Variants in STAMBP observed in about 807,000 individuals in gnomAD.
STAMBP encodes the protein STAM-binding protein.
In STAMBP, 31 loss-of-function variants were observed where a neutral mutation model predicts 50.7. The ratio of observed to expected loss-of-function variants is 0.61; its 90% CI spans 0.46 to 0.83. The LOEUF is 0.83. STAMBP is among the 40% of genes least tolerant of loss of function. The probability of loss-of-function intolerance (pLI) is 0.00; values close to 1 mark genes in which losing one functional copy is unlikely to be tolerated. For synonymous variants in STAMBP, 211 were observed against 192.4 expected, an observed-to-expected ratio of 1.10 and a Z score of -0.80; for missense variants, 472 against 518.9, an observed-to-expected ratio of 0.91 and a Z score of 0.88.
downstream of STAMBP, among the ~76,000 whole-genome samples, chr2:73,869,519 T>C (rs1679113859): frequency 6.6e-6 from 1 of 152,216 alleles, no homozygotes; most frequent in African/African-American, 2.4e-5. Flanking sequence ...TGAAAGATTA[T>C]TCTAAAATTA....
At chr2:73,853,990 G>C (rs1466279583) in intron 7 of STAMBP, among the ~76,000 whole-genome samples, 3 of 152,174 alleles carry the variant, frequency 2.0e-5, no homozygotes, top group Non-Finnish European at 4.4e-5. Context: ...TCAACATTTT[G>C]AAGGTTTATC....
chr2:73,863,305 A>G lies in STAMBP; in HGVS notation c.*1046A>G, dbSNP rs949424761. ...GAAAACGCTTGAAGCAGCAATTGTTACTGCAATTTTCTGTGAGCTGAGCCT... is the reference window on the plus strand; with the variant it reads ...GAAAACGCTTGAAGCAGCAATTGTTGCTGCAATTTTCTGTGAGCTGAGCCT... On this transcript the variant is annotated 3_prime_UTR_variant, in exon 10 of 10. Coordinates refer to ENST00000394070, the MANE Select transcript of STAMBP (RefSeq NM_213622.4). 2.0e-5 allele frequency: 3 copies of G among 152,098 alleles called. No individual in the cohort carries two copies. Among genetic ancestry groups the G allele is most frequent in the African/African-American group, 7.2e-5 (3 of 41,398 alleles). 9.4% of individuals were successfully genotyped at this position (152,098 alleles called of 1,614,324 possible).
downstream of STAMBP, among the ~76,000 whole-genome samples, chr2:73,867,644 A>T (rs375134252): frequency 3.3e-5 from 5 of 152,268 alleles, no homozygotes; most frequent in African/African-American, 1.2e-4. Flanking sequence ...GAGATGAACG[A>T]TAATACAATA....
chr2:73,830,937 G>A lies in STAMBP; in HGVS notation c.81G>A (p.Val27=), dbSNP rs759853292. The A allele has an allele frequency of 1.2e-6, 2 of 1,614,174 alleles. No homozygotes were observed. The highest frequency in any genetic ancestry group is 1.7e-4 in the Middle Eastern group (1 of 6,016). ...CCCAGCTGGGTAGTGCGGTAGAGGT[G>A]AATGAAGACATTCCACCCCGTCGGT... ...ALSQLGSAVE[V]NEDIPPRRYF... is the part of the protein sequence containing the mutation. Residue 27 remains valine (V), a synonymous_variant, in exon 2 of 10, where the codon GTG becomes GTA. Transcript: ENST00000394070.
intron 7 of STAMBP, among the ~76,000 whole-genome samples, chr2:73,852,917 GGTGTGTGTGTGTGTGTGT>G (rs56684009): frequency 8.9e-4 from 109 of 122,862 alleles, no homozygotes; most frequent in African/African-American, 3.0e-3. Context: ...ATGTTGGCCA[GGTGTGTGTGTGTGTGTGT>G]GTGTGTGTGT....
rs766533447 is a variant in STAMBP, at chr2:73,847,544, G to T, written c.533G>T (p.Arg178Leu). Residue 178 changes from arginine to leucine, a missense_variant, in exon 5 of 10, where the codon CGA becomes CTA. By Grantham distance (102) the Arg-to-Leu change is moderately radical. Transcript: ENST00000394070. ...MIRNQELEKERLKIVQEFGKV... is the reference protein window; with the variant it reads ...MIRNQELEKELLKIVQEFGKV... ...CGGAACCAGGAGCTAGAAAAAGAGC[G>T]ACTGAAAATTGTACAGGAGTTTGGG... The T allele has an allele frequency of 2.5e-6, 4 of 1,614,046 alleles. No individual in the cohort carries two copies. The highest frequency in any genetic ancestry group is 2.5e-6 in the Non-Finnish European group (3 of 1,180,044).
intron 2 of STAMBP, among the ~76,000 whole-genome samples, chr2:73,831,876 A>G (rs1486399295): frequency 6.6e-6 from 1 of 152,032 alleles, no homozygotes; most frequent in East Asian, 1.9e-4. Flanking sequence ...AAACAAACTC[A>G]GTGTTTGGTG....
intron 7 of STAMBP, among the ~76,000 whole-genome samples, chr2:73,853,329 G>T (rs1677104259): frequency 6.6e-6 from 1 of 152,174 alleles, no homozygotes; most frequent in South Asian, 2.1e-4. Flanking sequence ...GGAGAAGTTG[G>T]GTTGAGAGAA....
At chr2:73,867,180 G>A (rs1279442693), downstream of STAMBP, 1 of 152,176 alleles carries the variant, frequency 6.6e-6, no homozygotes, top group Non-Finnish European at 1.5e-5. Flanking sequence ...AAATGGTAAG[G>A]CTTTGCTTTT....
chr2:73,852,729 G>A (rs1234549606), intron 7 of STAMBP, among the ~76,000 whole-genome samples: 8 of 152,088 alleles, frequency 5.3e-5, no homozygotes. Flanking sequence ...GCCCAGGTTG[G>A]GGTGCAGTGG....
downstream of STAMBP, among the ~76,000 whole-genome samples, chr2:73,867,415 A>G (rs1020910377): frequency 5.9e-5 from 9 of 152,206 alleles, no homozygotes; most frequent in Non-Finnish European, 1.3e-4. Flanking sequence ...GTGGTGGCAC[A>G]TGCCTGTAAT....
intron 1 of STAMBP, among the ~76,000 whole-genome samples, chr2:73,829,936 T>C (rs1005844280): frequency 6.6e-5 from 10 of 152,248 alleles, no homozygotes; most frequent in Admixed American, 3.9e-4. Flanking sequence ...AGATTTATTC[T>C]ACTGTAGTTT....
At chr2:73,871,743 C>T (rs777282224), downstream of STAMBP, among the ~76,000 whole-genome samples, 3 of 152,016 alleles carry the variant, frequency 2.0e-5, no homozygotes, top group Non-Finnish European at 4.4e-5. Flanking sequence ...AAGGTTATAG[C>T]CTATTGCCTT....
rs1231209639 is a variant in STAMBP, at chr2:73,865,566, C to T, written c.*3307C>T. On this transcript the variant is annotated 3_prime_UTR_variant, in exon 10 of 10. Coordinates refer to ENST00000394070, the MANE Select transcript of STAMBP (RefSeq NM_213622.4). ...GCCAGGTTGAACATTTAAGGCTTTG[C>T]TTCTAGGCCCAGCTATACATTCACC... is the stretch of plus-strand genomic sequence containing the variant. 1 of 152,166 alleles carries T rather than the reference C, an allele frequency of 6.6e-6. No individual in the cohort carries two copies. Among genetic ancestry groups the T allele is most frequent in the South Asian group, 2.1e-4 (1 of 4,828 alleles). 9.4% of individuals were successfully genotyped at this position (152,166 alleles called of 1,614,324 possible). A position where few individuals can be genotyped will look rare whatever the true frequency, so the allele number is the denominator to read the frequency against.
At chr2:73,847,098 A>AAAAG (rs1676199536) in intron 4 of STAMBP, among the ~76,000 whole-genome samples, 1 of 151,604 alleles carries the variant, frequency 6.6e-6, no homozygotes, top group Non-Finnish European at 1.5e-5. Context: ...AAAAAAAAAA[A>AAAAG]GATTTCAGTG....
Position 73,830,968 on chromosome 2 carries a change from C to A in STAMBP, c.112C>A (p.Arg38Ser). Residue 38 changes from arginine (R) to serine (S), a missense_variant, in exon 2 of 10, where the codon CGC becomes AGC. Arg to Ser is a moderately radical substitution (Grantham distance 110, BLOSUM62 -1). Coordinates refer to ENST00000394070, the MANE Select transcript of STAMBP (RefSeq NM_213622.4). ...AGACATTCCACCCCGTCGGTACTTCCGCTCTGGAGTTGAGATTATCCGAAT... is the reference window on the plus strand; with the variant it reads ...AGACATTCCACCCCGTCGGTACTTCAGCTCTGGAGTTGAGATTATCCGAAT... ...NEDIPPRRYF[R>S]SGVEIIRMAS... 7 of 1,614,160 alleles carry A rather than the reference C, an allele frequency of 4.3e-6. No individual in the cohort carries two copies. The highest frequency in any genetic ancestry group is 5.9e-6 in the Non-Finnish European group (7 of 1,180,010).
chr2:73,872,959 G>T (rs1360754687), intron 10 of STAMBP, among the ~76,000 whole-genome samples: 2 of 152,186 alleles, frequency 1.3e-5, no homozygotes, highest in Non-Finnish European at 2.9e-5. Flanking sequence ...TAAATAATTT[G>T]CATAACAAAC....
Position 73,862,311 on chromosome 2 carries a change from T to G in STAMBP, c.*52T>G, listed in dbSNP as rs751331161. 6.6e-7 allele frequency: 1 copy of G among 1,513,408 alleles called. No individual in the cohort carries two copies. Among genetic ancestry groups the G allele is most frequent in the Non-Finnish European group, 8.9e-7 (1 of 1,122,764 alleles). The allele number at this position is 1,513,408 out of a possible 1,614,324, so 93.7% of individuals were successfully genotyped here. A position where few individuals can be genotyped will look rare whatever the true frequency, so the allele number is the denominator to read the frequency against. On this transcript the variant is annotated 3_prime_UTR_variant, in exon 10 of 10. Transcript: ENST00000394070. ...ACAACAAAACCATATCAGTGTACTG[T>G]AGCCCCTTAATTTAAGCTTTCTAGA...
In STAMBP at chr2:73,844,899, A is replaced by G. The variant is rs369888750; in HGVS notation, c.279+11A>G. The G allele has an allele frequency of 3.7e-6, 6 of 1,612,954 alleles. No homozygotes were observed. Among genetic ancestry groups the G allele is most frequent in the Non-Finnish European group, 4.2e-6 (5 of 1,179,714 alleles). On this transcript the variant is annotated intron_variant, in intron 3 of 9. Coordinates refer to ENST00000394070, the MANE Select transcript of STAMBP (RefSeq NM_213622.4). ...AAAGACACAGTAAAGGTGGGTCTTC[A>G]CTTTCATTGTTGCCCATCTAAAAGC...
Sources: allele counts gnomAD v4.1 joint callset (sites outside exome capture counted in the v4.1 genomes callset), GRCh38; gene constraint gnomAD v4.1.1; transcripts MANE v1.5; gene names NCBI Gene and HGNC (gene_info 2026-07-23, HGNC 2026-07-21).